The following GALNT2 variants were observed in gnomAD, a reference collection of about 807,000 sequenced individuals.
GALNT2 encodes the protein UDP-GalNAc:polypeptide N-acetylgalactosaminyltransferase 2.
Under a neutral mutation model 81.4 loss-of-function variants are expected in GALNT2, and 31 were observed. The ratio of observed to expected loss-of-function variants is 0.38; its 90% CI spans 0.29 to 0.51. The LOEUF (loss-of-function observed/expected upper bound fraction) is 0.51. Ranked by LOEUF, GALNT2 falls within the 20% of genes least tolerant of loss-of-function variation. The pLI, the probability that GALNT2 is intolerant of heterozygous loss-of-function variation, is 0.87. For missense variants in GALNT2, 629 were observed against 765.7 expected (o/e 0.82, Z 2.11); for synonymous variants, 303 against 287.4 (o/e 1.05, Z -0.55).
chr1:230,139,670 T>G (rs543254234), intron 1 of GALNT2, among the ~76,000 whole-genome samples: 14 of 152,332 alleles, frequency 9.2e-5, no homozygotes, highest in African/African-American at 2.9e-4. Context: ...GGATTTTTTG[T>G]TTTTTGGTAA....
chr1:230,249,706 C>T (rs541272434), intron 9 of GALNT2, among the ~76,000 whole-genome samples: 9 of 152,256 alleles, frequency 5.9e-5, no homozygotes, highest in South Asian at 2.1e-4. Flanking sequence ...CCAGGCCGGG[C>T]GGTGGGCTTT....
chr1:230,229,444 A>G (rs572220481), intron 3 of GALNT2, among the ~76,000 whole-genome samples: 1 of 152,348 alleles, frequency 6.6e-6, no homozygotes, highest in Non-Finnish European at 1.5e-5. Context: ...AGGGATGGTG[A>G]GAATACAGAG....
chr1:230,073,762 G>C (rs1369963877), intron 1 of GALNT2, among the ~76,000 whole-genome samples: 5 of 152,338 alleles, frequency 3.3e-5, no homozygotes, highest in Admixed American at 2.0e-4. Flanking sequence ...CTGCCTGGGG[G>C]CTGGGAAATG....
chr1:230,200,148 C>T (rs902180796), intron 2 of GALNT2, among the ~76,000 whole-genome samples: 7 of 151,420 alleles, frequency 4.6e-5, no homozygotes, highest in South Asian at 4.2e-4. Flanking sequence ...CTGCAACCTC[C>T]GCCTCCCAGG....
intron 10 of GALNT2, among the ~76,000 whole-genome samples, chr1:230,252,506 T>G (rs978969377): frequency 6.6e-6 from 1 of 152,200 alleles, no homozygotes; most frequent in Non-Finnish European, 1.5e-5. Flanking sequence ...GGGAATCATC[T>G]GTTTGTGCTT....
intron 1 of GALNT2, among the ~76,000 whole-genome samples, chr1:230,077,629 C>G (rs1479763415): frequency 2.6e-5 from 4 of 152,150 alleles, no homozygotes; most frequent in Non-Finnish European, 5.9e-5. Flanking sequence ...GCAAAGTGTT[C>G]TAAAAGTTTT....
chr1:230,090,371 G>A (rs1363162992), intron 1 of GALNT2, among the ~76,000 whole-genome samples: 1 of 152,180 alleles, frequency 6.6e-6, no homozygotes, highest in Non-Finnish European at 1.5e-5. Context: ...GAAGTGGGGT[G>A]GGTGGGTGAT....
intron 2 of GALNT2, among the ~76,000 whole-genome samples, chr1:230,200,539 G>T (rs1277027684): frequency 1.3e-5 from 2 of 152,208 alleles, no homozygotes; most frequent in African/African-American, 4.8e-5. Flanking sequence ...TGAATGACTG[G>T]CATTAGACAT....
intron 1 of GALNT2, among the ~76,000 whole-genome samples, chr1:230,137,703 C>T (rs1269411713): frequency 1.3e-5 from 2 of 152,148 alleles, no homozygotes; most frequent in Non-Finnish European, 2.9e-5. Flanking sequence ...GCTTTCTGGA[C>T]GAGTCCAGCT....
chr1:230,144,079 C>T (rs1394367504), intron 1 of GALNT2, among the ~76,000 whole-genome samples: 1 of 152,172 alleles, frequency 6.6e-6, no homozygotes, highest in Non-Finnish European at 1.5e-5. Flanking sequence ...ACAGCTGTGT[C>T]GTGGGAGGTG....
chr1:230,251,690 G>A (rs760753951), intron 10 of GALNT2, among the ~76,000 whole-genome samples: 32 of 152,148 alleles, frequency 2.1e-4, no homozygotes, highest in South Asian at 8.3e-4. Context: ...CTGTTCCATG[G>A]GTATCCCCTA....
chr1:230,077,820 C>A (rs1206816804), intron 1 of GALNT2, among the ~76,000 whole-genome samples: 1 of 152,220 alleles, frequency 6.6e-6, no homozygotes, highest in Non-Finnish European at 1.5e-5. Flanking sequence ...GCAATGAAGT[C>A]GAGGTAGCCA....
At chr1:230,083,723 A>G (rs16850871) in intron 1 of GALNT2, among the ~76,000 whole-genome samples, 16,169 of 152,174 alleles carry the variant, frequency 0.11, 1,359 homozygotes, top group East Asian at 0.24. Flanking sequence ...AGCACTGAGC[A>G]TTTAGTTTCT....
At chr1:230,088,947 T>C (rs1659977770) in intron 1 of GALNT2, among the ~76,000 whole-genome samples, 1 of 152,310 alleles carries the variant, frequency 6.6e-6, no homozygotes, top group Middle Eastern at 3.4e-3. Context: ...TAGTGTACTT[T>C]CTGCGTCTGT....
chr1:230,131,912 GATTA>G (rs1661380398), intron 1 of GALNT2, among the ~76,000 whole-genome samples: 1 of 152,194 alleles, frequency 6.6e-6, no homozygotes, highest in Non-Finnish European at 1.5e-5. Context: ...TGTTTCTTAT[GATTA>G]GGCATCATTG....
chr1:230,201,823 A>C (rs909214983), intron 2 of GALNT2, among the ~76,000 whole-genome samples: 2 of 152,152 alleles, frequency 1.3e-5, no homozygotes, highest in Non-Finnish European at 1.5e-5. Context: ...GGAGAGTTGC[A>C]TGCCCACACC....
chr1:230,199,492 C>G (rs1288997604), intron 2 of GALNT2, among the ~76,000 whole-genome samples: 3 of 152,148 alleles, frequency 2.0e-5, no homozygotes, highest in Non-Finnish European at 4.4e-5. Context: ...ATACCTAAAA[C>G]AAAAATAGAA....
chr1:230,248,436 G>A (rs1447235880), intron 8 of GALNT2, among the ~76,000 whole-genome samples: 2 of 152,182 alleles, frequency 1.3e-5, no homozygotes, highest in Non-Finnish European at 2.9e-5. Context: ...TTCCGCAGGT[G>A]GAGCCTGCTG....
chr1:230,108,403 C>T (rs1453645022), intron 1 of GALNT2, among the ~76,000 whole-genome samples: 1 of 152,312 alleles, frequency 6.6e-6, no homozygotes, highest in Non-Finnish European at 1.5e-5. Context: ...CCGATAAACC[C>T]ATCATAAGTT....
Sources: gnomAD v4.1 joint callset for allele counts (sites outside exome capture counted in the v4.1 genomes callset) on GRCh38, gnomAD v4.1.1 for gene constraint, MANE v1.5 for transcripts, NCBI Gene and HGNC (gene_info 2026-07-23, HGNC 2026-07-21) for gene names.